TOGARAM1: variants seen among roughly 807,000 people sequenced by gnomAD.
TOGARAM1 encodes TOG array regulator of axonemal microtubules 1, also known as TOG array regulator of axonemal microtubules protein 1.
In TOGARAM1, 100 loss-of-function variants were observed where a neutral mutation model predicts 166.6. The observed-to-expected ratio is 0.60, with a 90% confidence interval of 0.51 to 0.71. The LOEUF is 0.71. TOGARAM1 is among the 30% of genes least tolerant of loss of function. TOGARAM1 has a pLI of 0.00. For missense variants in TOGARAM1, 2,029 were observed against 2,102.7 expected (o/e 0.96, Z 0.69); for synonymous variants, 758 against 763.8 (o/e 0.99, Z 0.13).
In TOGARAM1 at chr14:44,962,850, G is replaced by T. The variant is rs1885255752; in HGVS notation, c.429G>T (p.Val143=). The change falls in exon 1 of 20, where the codon GTG becomes GTT. Residue 143 remains valine (V), a synonymous_variant. Coordinates refer to ENST00000361462, the MANE Select transcript of TOGARAM1 (RefSeq NM_001308120.2). The part of the protein sequence containing the change: ...KEALYRALGR[V]LVEGGSDEKR... ...CTTTGTATCGGGCACTGGGCCGAGT[G>T]CTTGTGGAAGGAGGTAGTGATGAGA... The T allele has an allele frequency of 1.9e-6, 3 of 1,613,494 alleles. No homozygotes were observed. The highest frequency in any genetic ancestry group is 1.7e-6 in the Non-Finnish European group (2 of 1,180,042).
chr14:45,065,854 G>C (rs1883116444), intron 16 of TOGARAM1, among the ~76,000 whole-genome samples: 1 of 152,164 alleles, frequency 6.6e-6, no homozygotes, highest in African/African-American at 2.4e-5. Context: ...AATTTATCTA[G>C]ATCTCAACGG....
intron 2 of TOGARAM1, 108 bp from the exon 3 acceptor site, chr14:44,999,255 C>G: frequency 8.4e-7 from 1 of 1,187,794 alleles, no homozygotes; most frequent in Non-Finnish European, 1.2e-6. Context: ...TACTTAAACA[C>G]TTATATTTAT....
chr14:45,055,132 T>G (rs1185338509), intron 16 of TOGARAM1, among the ~76,000 whole-genome samples: 1 of 152,232 alleles, frequency 6.6e-6, no homozygotes, highest in Non-Finnish European at 1.5e-5. Context: ...ATTATTTACA[T>G]AGACCAATGT....
chr14:45,060,217 CTTTT>C (rs771278378), intron 16 of TOGARAM1, among the ~76,000 whole-genome samples: 1 of 116,684 alleles, frequency 8.6e-6, no homozygotes. Flanking sequence ...TGCACCCGGC[CTTTT>C]TTTTTTTTTT....
chr14:44,976,809 A>T (rs1886218673), intron 1 of TOGARAM1, among the ~76,000 whole-genome samples: 1 of 152,222 alleles, frequency 6.6e-6, no homozygotes, highest in African/African-American at 2.4e-5. Flanking sequence ...ATTTAAGAAT[A>T]TGAAAGTGCT....
At position 44,963,745 on chromosome 14, in the gene TOGARAM1, A is replaced by G. The variant is rs1462047120; in HGVS notation, c.1324A>G (p.Lys442Glu). The G allele has an allele frequency of 1.2e-6, 2 of 1,613,884 alleles. No homozygotes were observed. The highest frequency in any genetic ancestry group is 2.2e-5 in the East Asian group (1 of 44,880). ...FLGPVIAASV[K>E]VLADNKLVIK... Reference sequence around the variant, plus strand: ...GGGACCAGTTATAGCAGCTTCTGTCAAAGTGCTGGCGGACAACAAGTTGGT... The same window carrying G: ...GGGACCAGTTATAGCAGCTTCTGTCGAAGTGCTGGCGGACAACAAGTTGGT... Residue 442 changes from lysine to glutamate, a missense_variant, in exon 1 of 20, where the codon AAA becomes GAA. By Grantham distance (56) the Lys-to-Glu change is moderately conservative. Transcript: ENST00000361462.
chr14:45,012,985 A>G (rs1298534180), intron 7 of TOGARAM1, among the ~76,000 whole-genome samples: 1 of 152,114 alleles, frequency 6.6e-6, no homozygotes, highest in Non-Finnish European at 1.5e-5. Flanking sequence ...AAATCTGACT[A>G]TACTGGCCAG....
chr14:45,013,066 C>G (rs1286201471), intron 7 of TOGARAM1, among the ~76,000 whole-genome samples: 1 of 152,172 alleles, frequency 6.6e-6, no homozygotes, highest in Non-Finnish European at 1.5e-5. Context: ...TTTTCACTGC[C>G]CTCTTTGTAT....
intron 10 of TOGARAM1, among the ~76,000 whole-genome samples, chr14:45,031,840 T>G (rs1881176111): frequency 6.6e-6 from 1 of 152,142 alleles, no homozygotes; most frequent in Non-Finnish European, 1.5e-5. Flanking sequence ...ACAACTGTAG[T>G]CAGAATAATG....
chr14:45,028,837 T>A (rs895367245), intron 10 of TOGARAM1, among the ~76,000 whole-genome samples: 3 of 152,126 alleles, frequency 2.0e-5, no homozygotes, highest in African/African-American at 7.2e-5. Context: ...ATGTGAACTA[T>A]AATAAACATT....
chr14:45,034,680 T>C (rs1881334762), intron 11 of TOGARAM1, among the ~76,000 whole-genome samples: 1 of 152,190 alleles, frequency 6.6e-6, no homozygotes, highest in Admixed American at 6.5e-5. Flanking sequence ...ATAGACTGAA[T>C]GTTAGTTTGG....
intron 1 of TOGARAM1, among the ~76,000 whole-genome samples, chr14:44,968,221 A>G (rs1885665213): frequency 6.6e-6 from 1 of 152,212 alleles, no homozygotes; most frequent in African/African-American, 2.4e-5. Context: ...GTTTAAAAAA[A>G]GTATATATAC....
At chr14:44,968,688 G>T (rs1391475651) in intron 1 of TOGARAM1, among the ~76,000 whole-genome samples, 1 of 152,152 alleles carries the variant, frequency 6.6e-6, no homozygotes, top group Non-Finnish European at 1.5e-5. Flanking sequence ...GTTATAATCA[G>T]TGAACCCATA....
intron 3 of TOGARAM1, among the ~76,000 whole-genome samples, chr14:45,003,048 A>G (rs187490423): frequency 8.9e-4 from 135 of 152,330 alleles, no homozygotes; most frequent in Middle Eastern, 3.4e-3. Flanking sequence ...AAAGCATCAG[A>G]ACCTGTTAAT....
chr14:44,994,382 G>T (rs914284182), intron 1 of TOGARAM1, among the ~76,000 whole-genome samples: 1 of 152,086 alleles, frequency 6.6e-6, no homozygotes, highest in Non-Finnish European at 1.5e-5. Context: ...GCCTCTCAAA[G>T]TGCTGGGATT....
In TOGARAM1 at chr14:44,962,528, G is replaced by A; in HGVS notation, c.107G>A (p.Ser36Asn). Residue 36 changes from serine to asparagine, a missense_variant, in exon 1 of 20, where the codon AGT becomes AAT. Physicochemically the swap from Ser to Asn is conservative, Grantham distance 46. Coordinates refer to ENST00000361462, the MANE Select transcript of TOGARAM1 (RefSeq NM_001308120.2). ...SRPSAPETDD[S>N]RVGGIMRGEK... ...CCTTCCGCCCCAGAGACCGATGATAGTCGAGTTGGGGGCATTATGAGAGGA... is the reference window on the plus strand; with the variant it reads ...CCTTCCGCCCCAGAGACCGATGATAATCGAGTTGGGGGCATTATGAGAGGA... The A allele has an allele frequency of 6.2e-7, 1 of 1,613,654 alleles. No individual in the cohort carries two copies. The highest frequency in any genetic ancestry group is 8.5e-7 in the Non-Finnish European group (1 of 1,179,916).
chr14:45,031,930 C>A (rs748408808), intron 10 of TOGARAM1, among the ~76,000 whole-genome samples: 1 of 152,006 alleles, frequency 6.6e-6, no homozygotes. Context: ...GAGGCTGAGG[C>A]GGATGGATTG....
intron 4 of TOGARAM1, 72 bp from the exon 5 acceptor site, chr14:45,005,936 G>A (rs73352233): frequency 0.079 from 102,410 of 1,301,834 alleles, 8,166 homozygotes; most frequent in African/African-American, 0.39. Context: ...TGTATTTTAA[G>A]CACTTGTGAC....
chr14:45,008,937 C>T lies in TOGARAM1; in HGVS notation c.2929C>T (p.Arg977Cys), dbSNP rs772295220. 23 of 1,613,666 alleles carry T rather than the reference C, an allele frequency of 1.4e-5. No homozygotes were observed. The highest frequency in any genetic ancestry group is 4.5e-5 in the East Asian group (2 of 44,868). Residue 977 changes from arginine to cysteine, a missense_variant, in exon 6 of 20, where the codon CGT becomes TGT. Arg to Cys is a radical substitution (Grantham distance 180). Coordinates refer to ENST00000361462, the MANE Select transcript of TOGARAM1 (RefSeq NM_001308120.2). ...EEMHSSLRSLRNSAAKKRAKL... is the reference protein window; with the variant it reads ...EEMHSSLRSLCNSAAKKRAKL... ...GATGCATAGCTCTCTTAGGTCCCTT[C>T]GTAATAGTGCAGCTAAGAAAAGAGC...
Sources: allele counts gnomAD v4.1 joint callset (sites outside exome capture counted in the v4.1 genomes callset), GRCh38; gene constraint gnomAD v4.1.1; transcripts MANE v1.5; gene names NCBI Gene and HGNC (gene_info 2026-07-23, HGNC 2026-07-21).